Variants in RALYL observed in about 807,000 individuals in gnomAD.
The protein encoded by RALYL is RALY RNA binding protein like.
RALYL carries 29 observed loss-of-function variants against 35.1 expected under a neutral mutation model. That is an observed-to-expected ratio of 0.83 (90% CI 0.61 to 1.13). RALYL has a LOEUF of 1.13. RALYL is among the 50% of genes most tolerant of loss of function. The pLI is 0.00. For missense variants in RALYL, 359 were observed against 360.4 expected, an observed-to-expected ratio of 1.00 and a Z score of 0.03; for synonymous variants, 120 against 127.6, an observed-to-expected ratio of 0.94 and a Z score of 0.40.
At chr8:84,463,365 A>G (rs1209780327) in intron 1 of RALYL, among the ~76,000 whole-genome samples, 1 of 152,094 alleles carries the variant, frequency 6.6e-6, no homozygotes, top group Admixed American at 6.6e-5. Flanking sequence ...CTGCACTATC[A>G]TATTAAATTC....
At chr8:84,352,904 A>G (rs1441127265) in intron 1 of RALYL, among the ~76,000 whole-genome samples, 1 of 149,906 alleles carries the variant, frequency 6.7e-6, no homozygotes, top group Non-Finnish European at 1.5e-5. Flanking sequence ...AAAAAATTGT[A>G]AACTCTTTTT....
chr8:84,340,301 T>A (rs1005840838), intron 1 of RALYL, among the ~76,000 whole-genome samples: 2 of 152,094 alleles, frequency 1.3e-5, no homozygotes, highest in Non-Finnish European at 2.9e-5. Context: ...AAGAACACAG[T>A]GTAAGATCTA....
intron 2 of RALYL, among the ~76,000 whole-genome samples, chr8:84,719,143 T>C (rs960807412): frequency 1.3e-5 from 2 of 152,160 alleles, no homozygotes; most frequent in African/African-American, 4.8e-5. Flanking sequence ...ATGTAATTGA[T>C]AATTTATCTA....
intron 2 of RALYL, among the ~76,000 whole-genome samples, chr8:84,709,951 C>T (rs1441420228): frequency 2.0e-5 from 3 of 152,068 alleles, no homozygotes; most frequent in African/African-American, 7.2e-5. Context: ...ATCCCAGCTA[C>T]ATGGGAGGCT....
At chr8:84,851,207 G>A (rs991638457) in intron 5 of RALYL, among the ~76,000 whole-genome samples, 2 of 152,158 alleles carry the variant, frequency 1.3e-5, no homozygotes, top group Non-Finnish European at 2.9e-5. Flanking sequence ...AGTGAGTGAA[G>A]TGAATAATCA....
At chr8:84,676,240 G>A (rs1311332146) in intron 2 of RALYL, among the ~76,000 whole-genome samples, 2 of 152,306 alleles carry the variant, frequency 1.3e-5, no homozygotes, top group East Asian at 1.9e-4. Context: ...CTAATGTAGA[G>A]ATATGGATGG....
chr8:84,364,723 T>A (rs1258722662), intron 1 of RALYL, among the ~76,000 whole-genome samples: 1 of 152,150 alleles, frequency 6.6e-6, no homozygotes, highest in Non-Finnish European at 1.5e-5. Flanking sequence ...TTTTTTAAAA[T>A]TTTACAAACA....
rs774731751 is a variant in RALYL at position 84,204,875 on chromosome 8, AC to A, written c.-24+20452del. Reference sequence around the variant, plus strand: ...TGAATTCTTACTGTGGGCTAGGCATACAAAGTATGTGTATTTTTTCTCAAAC... The same window carrying A: ...TGAATTCTTACTGTGGGCTAGGCATAAAAGTATGTGTATTTTTTCTCAAAC... On this transcript the variant is annotated intron_variant, in intron 1 of 8. Coordinates refer to ENST00000521268, the MANE Select transcript of RALYL (RefSeq NM_173848.7). Among the ~76,000 whole-genome samples, 10 of 152,336 alleles carry A rather than the reference AC, an allele frequency of 6.6e-5. No homozygotes were observed. In the East Asian group the frequency reaches 1.4e-3, roughly 21 times the overall value.
At chr8:84,362,585 C>T (rs760105638) in intron 1 of RALYL, among the ~76,000 whole-genome samples, 8 of 152,240 alleles carry the variant, frequency 5.3e-5, no homozygotes, top group African/African-American at 9.6e-5. Flanking sequence ...ACTGCACATG[C>T]GAGGGATCCA....
rs1176607135 is a variant in RALYL at position 84,367,343 on chromosome 8, T to A, written c.-23-161956T>A. On this transcript the variant is annotated intron_variant, in intron 1 of 8. Transcript: ENST00000521268. The stretch of plus-strand genomic sequence containing the variant: ...ATTTTTTTTTTTTTTTTTTTTTTTT[T>A]TTTTTTTTTTTTTTTTTTTTTTTTT... 3.1e-3 allele frequency among the ~76,000 whole-genome samples: 305 copies of A among 99,674 alleles called. 50 individuals carry two copies. Among genetic ancestry groups the A allele is most frequent in the African/African-American group, 9.1e-3 (237 of 25,942 alleles). 65.4% of individuals were successfully genotyped at this position (99,674 alleles called of 152,430 possible).
chr8:84,848,614 T>C (rs573792440), intron 4 of RALYL, among the ~76,000 whole-genome samples: 1 of 152,228 alleles, frequency 6.6e-6, no homozygotes, highest in East Asian at 1.9e-4. Context: ...TTTGTATTTG[T>C]ATTAATGACA....
At chr8:84,833,655 A>G (rs550873194) in intron 4 of RALYL, among the ~76,000 whole-genome samples, 19 of 151,736 alleles carry the variant, frequency 1.3e-4, no homozygotes, top group African/African-American at 4.3e-4. Context: ...AAAAAAAAAA[A>G]AAAGAAAGAA....
intron 1 of RALYL, among the ~76,000 whole-genome samples, chr8:84,442,721 G>A (rs711003): frequency 0.49 from 74,743 of 151,888 alleles, 18,741 homozygotes; most frequent in African/African-American, 0.59. Flanking sequence ...AGGATACTCT[G>A]CGTATTGTTT....
chr8:84,432,732 A>G (rs2047273282), intron 1 of RALYL, among the ~76,000 whole-genome samples: 2 of 152,114 alleles, frequency 1.3e-5, no homozygotes, highest in African/African-American at 2.4e-5. Flanking sequence ...ACAAAGGAAG[A>G]TGCCACGTGA....
At chr8:84,209,037 A>G (rs1429654266) in intron 1 of RALYL, among the ~76,000 whole-genome samples, 3 of 150,772 alleles carry the variant, frequency 2.0e-5, no homozygotes, top group African/African-American at 4.9e-5. Flanking sequence ...GAGGCTTTGT[A>G]TATGTACACA....
In RALYL at chr8:84,663,325, G is replaced by A. The variant is rs1214783615; in HGVS notation, c.257-111254G>A. Among the ~76,000 whole-genome samples, 4 of 152,104 alleles carry A rather than the reference G, an allele frequency of 2.6e-5. 1 individual carries two copies. The South Asian group carries it at 8.3e-4, about 32-fold the overall frequency. ...GCATGTATCTTTATAATAGAATGAT[G>A]TATATTCCTTTATGTATATACCCAG... On this transcript the variant is annotated intron_variant, in intron 2 of 8. Coordinates refer to ENST00000521268, the MANE Select transcript of RALYL (RefSeq NM_173848.7).
At chr8:84,691,006 T>C (rs1238993778) in intron 2 of RALYL, among the ~76,000 whole-genome samples, 1 of 152,150 alleles carries the variant, frequency 6.6e-6, no homozygotes, top group Non-Finnish European at 1.5e-5. Flanking sequence ...TTTGTAAGAC[T>C]GATTTTTGAG....
intron 2 of RALYL, among the ~76,000 whole-genome samples, chr8:84,593,206 C>T (rs746012450): frequency 6.6e-6 from 1 of 151,958 alleles, no homozygotes; most frequent in Non-Finnish European, 1.5e-5. Flanking sequence ...TTAAGCTCTC[C>T]CCTGTATGTC....
At chr8:84,399,123 G>A (rs978051856) in intron 1 of RALYL, among the ~76,000 whole-genome samples, 2 of 152,102 alleles carry the variant, frequency 1.3e-5, no homozygotes, top group African/African-American at 2.4e-5. Flanking sequence ...CTGCTTTCAG[G>A]CAAAGCATTT....
Sources: allele counts gnomAD v4.1 joint callset (sites outside exome capture counted in the v4.1 genomes callset), GRCh38; gene constraint gnomAD v4.1.1; transcripts MANE v1.5; gene names NCBI Gene and HGNC (gene_info 2026-07-23, HGNC 2026-07-21).